Variants in PCDH15 observed in about 807,000 individuals in gnomAD.
The protein encoded by PCDH15 is protocadherin related 15.
PCDH15 carries 129 observed loss-of-function variants against 178.5 expected under a neutral mutation model. The ratio of observed to expected loss-of-function variants is 0.72; its 90% CI spans 0.63 to 0.84. PCDH15 has a LOEUF of 0.84. Ranked by LOEUF, PCDH15 falls within the 40% of genes least tolerant of loss-of-function variation. The probability of loss-of-function intolerance (pLI) is 0.00; values close to 1 mark genes in which losing one functional copy is unlikely to be tolerated. For synonymous variants in PCDH15, 800 were observed against 732.0 expected (o/e 1.09, Z -1.50); for missense variants, 2,230 against 2,099.9 (o/e 1.06, Z -1.21).
Position 55,008,971 on chromosome 10 carries a change from A to T in PCDH15, c.-79-111471T>A, listed in dbSNP as rs139201902. Among the ~76,000 whole-genome samples, 22 of 152,266 alleles carry T rather than the reference A, an allele frequency of 1.4e-4. No homozygotes were observed. The East Asian group carries it at 3.9e-3, about 27-fold the overall frequency. On this transcript the variant is annotated intron_variant, in intron 2 of 5. Coordinates refer to the PCDH15 transcript ENST00000458638. Reference sequence around the variant, plus strand: ...ATGTTTCTGATGAATTGTCAACCTTAGATCCTCCATACTCGTCTCACTCCG... The same window carrying T: ...ATGTTTCTGATGAATTGTCAACCTTTGATCCTCCATACTCGTCTCACTCCG...
chr10:54,206,788 T>A (rs2050842651), intron 10 of PCDH15, among the ~76,000 whole-genome samples: 1 of 152,208 alleles, frequency 6.6e-6, no homozygotes, highest in East Asian at 1.9e-4. Flanking sequence ...CAATATGCTC[T>A]TTCATTGTTA....
intron 3 of PCDH15, among the ~76,000 whole-genome samples, chr10:54,497,188 C>T (rs992907039): frequency 1.3e-5 from 2 of 151,794 alleles, no homozygotes; most frequent in African/African-American, 2.4e-5. Flanking sequence ...TAGCTTTAGT[C>T]CCCTGAAAGC....
intron 18 of PCDH15, among the ~76,000 whole-genome samples, chr10:54,026,828 G>A (rs1048323869): frequency 6.3e-4 from 96 of 152,148 alleles, no homozygotes; most frequent in South Asian, 4.2e-4. Context: ...CCCACAGCCA[G>A]TATCATACTG....
intron 8 of PCDH15, among the ~76,000 whole-genome samples, chr10:54,262,973 G>A (rs921931588): frequency 3.3e-5 from 5 of 152,302 alleles, no homozygotes; most frequent in Admixed American, 6.5e-5. Context: ...TGAAAATCAC[G>A]GGCTGCAAGC....
Position 53,995,734 on chromosome 10 carries a change from T to C in PCDH15, c.2783A>G (p.Lys928Arg). The C allele has an allele frequency of 6.2e-7, 1 of 1,613,828 alleles. No individual in the cohort carries two copies. Among genetic ancestry groups the C allele is most frequent in the Non-Finnish European group, 8.5e-7 (1 of 1,179,780 alleles). The change falls in exon 21 of 38, where the codon AAA becomes AGA. Residue 928 changes from lysine to arginine, a missense_variant. Transcript: ENST00000644397. The stretch of plus-strand genomic sequence containing the variant: ...AGCCACCATCCCTTTGTATATTCGT[T>C]TACTAAAGACAGGAGGATAATCATT... Reference protein sequence around the residue: ...DMNDYPPVFSKRIYKGMVAPD... With the variant: ...DMNDYPPVFSRRIYKGMVAPD...
At chr10:54,839,167 A>C (rs1479190220) in intron 3 of PCDH15, among the ~76,000 whole-genome samples, 2 of 152,098 alleles carry the variant, frequency 1.3e-5, no homozygotes, top group East Asian at 3.9e-4. Flanking sequence ...AACTAATAAA[A>C]CTCCTATAAT....
intron 2 of PCDH15, among the ~76,000 whole-genome samples, chr10:55,337,423 T>A (rs1165027255): frequency 1.3e-5 from 2 of 152,202 alleles, no homozygotes; most frequent in Non-Finnish European, 2.9e-5. Flanking sequence ...ATCCCTTGTC[T>A]CTGCTTCCAA....
At chr10:55,378,057 A>G (rs1277769960) in intron 2 of PCDH15, among the ~76,000 whole-genome samples, 1 of 151,996 alleles carries the variant, frequency 6.6e-6, no homozygotes, top group Non-Finnish European at 1.5e-5. Flanking sequence ...GGGCCTGTTG[A>G]GGGTTAGGGT....
intron 3 of PCDH15, among the ~76,000 whole-genome samples, chr10:54,807,930 T>C (rs1021121475): frequency 1.8e-4 from 27 of 151,544 alleles, no homozygotes; most frequent in Non-Finnish European, 3.1e-4. Flanking sequence ...ATCAGCCTAA[T>C]ATTTTGCTGA....
chr10:53,973,162 AC>A (rs1215955047), intron 21 of PCDH15, among the ~76,000 whole-genome samples: 1 of 151,970 alleles, frequency 6.6e-6, no homozygotes, highest in East Asian at 1.9e-4. Context: ...GAAGCTGGAA[AC>A]CATCATTCTG....
chr10:54,997,329 T>C (rs1400540426), intron 2 of PCDH15, among the ~76,000 whole-genome samples: 1 of 152,180 alleles, frequency 6.6e-6, no homozygotes, highest in East Asian at 1.9e-4. Context: ...TTATCATATG[T>C]TGCATCTAAC....
chr10:53,988,546 T>C (rs943845905), intron 21 of PCDH15, among the ~76,000 whole-genome samples: 1 of 152,140 alleles, frequency 6.6e-6, no homozygotes, highest in African/African-American at 2.4e-5. Flanking sequence ...AATGAACGAA[T>C]TGCAAAGAGG....
intron 20 of PCDH15, among the ~76,000 whole-genome samples, chr10:54,002,324 T>A (rs2092198627): frequency 6.6e-6 from 1 of 151,972 alleles, no homozygotes; most frequent in Non-Finnish European, 1.5e-5. Flanking sequence ...TCAGACCTAA[T>A]CTCCACTGTA....
intron 2 of PCDH15, among the ~76,000 whole-genome samples, chr10:55,627,280 G>T (rs1837548448): frequency 6.6e-6 from 1 of 152,110 alleles, no homozygotes; most frequent in African/African-American, 2.4e-5. Context: ...ATATGACACT[G>T]ACATTTATTT....
At chr10:55,457,169 A>C (rs1481998600) in intron 2 of PCDH15, among the ~76,000 whole-genome samples, 3 of 152,092 alleles carry the variant, frequency 2.0e-5, no homozygotes, top group Non-Finnish European at 2.9e-5. Flanking sequence ...TAAAAAACTC[A>C]AACATTATCA....
chr10:54,415,075 T>C (rs1954123657), intron 3 of PCDH15, among the ~76,000 whole-genome samples: 1 of 152,076 alleles, frequency 6.6e-6, no homozygotes, highest in African/African-American at 2.4e-5. Context: ...ATGTTTAAAA[T>C]GTTTCATATT....
chr10:54,388,744 GATA>G (rs1157846641), intron 3 of PCDH15, among the ~76,000 whole-genome samples: 1 of 152,166 alleles, frequency 6.6e-6, no homozygotes, highest in East Asian at 1.9e-4. Context: ...ATGTCCACCA[GATA>G]ATGATCAAAA....
chr10:54,895,127 A>C (rs1435097461), intron 3 of PCDH15, among the ~76,000 whole-genome samples: 1 of 152,224 alleles, frequency 6.6e-6, no homozygotes, highest in African/African-American at 2.4e-5. Flanking sequence ...AGAATGAACA[A>C]TAAAAATAAC....
chr10:55,138,586 C>T (rs1838267260), intron 2 of PCDH15, among the ~76,000 whole-genome samples: 1 of 152,106 alleles, frequency 6.6e-6, no homozygotes, highest in Non-Finnish European at 1.5e-5. Context: ...CAAATTAAAA[C>T]TGTCTGTTCT....
Sources: allele counts gnomAD v4.1 joint callset (sites outside exome capture counted in the v4.1 genomes callset), GRCh38; gene constraint gnomAD v4.1.1; transcripts MANE v1.5; gene names NCBI Gene and HGNC (gene_info 2026-07-23, HGNC 2026-07-21).